Variants in PCDHGB2 observed in about 807,000 individuals in gnomAD.
PCDHGB2 encodes the protein protocadherin gamma subfamily B, 2, also known as protocadherin gamma-B2.
A neutral mutation model predicts 59.3 loss-of-function variants in PCDHGB2; 55 were observed. The observed-to-expected ratio is 0.93, with a 90% CI of 0.75 to 1.16. The LOEUF is 1.16. Ranked by LOEUF, PCDHGB2 falls within the 50% of genes most tolerant of loss-of-function variation. The probability of loss-of-function intolerance (pLI) is 0.00; values close to 1 mark genes in which losing one functional copy is unlikely to be tolerated. For synonymous variants in PCDHGB2, 516 were observed against 512.0 expected, an observed-to-expected ratio of 1.01 and a Z score of -0.11; for missense variants, 1,228 against 1,198.5, an observed-to-expected ratio of 1.02 and a Z score of -0.36.
At position 141,362,309 on chromosome 5, in the gene PCDHGB2, A is replaced by C; in HGVS notation, c.2174A>C (p.Asp725Ala). 2 of 1,613,904 alleles carry C rather than the reference A, an allele frequency of 1.2e-6. No homozygotes were observed. Among genetic ancestry groups the C allele is most frequent in the Non-Finnish European group, 1.7e-6 (2 of 1,179,872 alleles). ...LRLSSRSDAW[D>A]CFQPGLSSKP... ...CTCTCTTCCAGGTCAGATGCTTGGG[A>C]CTGTTTTCAGCCTGGTCTCAGCTCC... The change falls in exon 1 of 4, where the codon GAC (aspartate) becomes GCC (alanine). Residue 725 changes from aspartate to alanine, a missense_variant. By Grantham distance (126) the Asp-to-Ala change is moderately radical. Transcript: ENST00000522605.
chr5:141,419,389 G>C (rs551951411), intron 1 of PCDHGB2: 1 of 1,613,670 alleles, frequency 6.2e-7, no homozygotes, highest in South Asian at 1.1e-5. Context: ...TGAGCGCGCA[G>C]AGCGGGGTGG....
chr5:141,460,582 G>A (rs1246329967), intron 1 of PCDHGB2, among the ~76,000 whole-genome samples: 2 of 152,022 alleles, frequency 1.3e-5, no homozygotes, highest in South Asian at 4.1e-4. Context: ...GTAGGTGTGG[G>A]TTTTTTCTGG....
In PCDHGB2 at chr5:141,408,106, G is replaced by A. The variant is rs1474157141; in HGVS notation, c.2421+45550G>A. The A allele has an allele frequency of 8.3e-6, 12 of 1,444,288 alleles. No individual in the cohort carries two copies. In the East Asian group the frequency reaches 2.7e-4, roughly 33 times the overall value. 89.5% of individuals were successfully genotyped at this position (1,444,288 alleles called of 1,614,324 possible). On this transcript the variant is annotated intron_variant, in intron 1 of 3. Transcript: ENST00000522605. ...AGCGGATTGCCAGCTCCGAGACCCG[G>A]GACTCCTCCTGTCCTGGGCCGAATG...
intron 1 of PCDHGB2, among the ~76,000 whole-genome samples, chr5:141,381,361 G>T (rs1050283609): frequency 2.0e-5 from 3 of 152,198 alleles, no homozygotes; most frequent in Non-Finnish European, 4.4e-5. Context: ...CTAGCAGAGG[G>T]TAGCCTCGGA....
chr5:141,433,878 T>C (rs774226497), intron 1 of PCDHGB2, among the ~76,000 whole-genome samples: 15 of 151,848 alleles, frequency 9.9e-5, no homozygotes, highest in Non-Finnish European at 1.5e-4. Flanking sequence ...GTTTCATCCA[T>C]TGATGACACT....
At position 141,397,489 on chromosome 5, in the gene PCDHGB2, A is replaced by G. The variant is rs568778994; in HGVS notation, c.2421+34933A>G. 3.3e-5 allele frequency among the ~76,000 whole-genome samples: 5 copies of G among 152,372 alleles called. No homozygotes were observed. In the East Asian group the frequency reaches 9.6e-4, roughly 29 times the overall value. ...GGAGTTGGAAATCATAGAAATGAAC[A>G]GAAGAATGATAAAATTGTTTCCATA... On this transcript the variant is annotated intron_variant, in intron 1 of 3. Coordinates refer to ENST00000522605, the MANE Select transcript of PCDHGB2 (RefSeq NM_018923.3).
intron 1 of PCDHGB2, chr5:141,365,549 A>G (rs1763986564): frequency 2.5e-6 from 4 of 1,613,678 alleles, no homozygotes; most frequent in Non-Finnish European, 3.4e-6. Flanking sequence ...CCTATTAACA[A>G]CTAGGGACCT....
intron 1 of PCDHGB2, chr5:141,426,609 G>A (rs1026143678): frequency 5.2e-6 from 2 of 382,862 alleles, no homozygotes; most frequent in African/African-American, 4.2e-5. Flanking sequence ...AGAGATTGTA[G>A]CAGAGAATCC....
At chr5:141,438,957 C>T (rs1292059651) in intron 1 of PCDHGB2, among the ~76,000 whole-genome samples, 1 of 152,026 alleles carries the variant, frequency 6.6e-6, no homozygotes, top group Non-Finnish European at 1.5e-5. Context: ...TGAGCCACCG[C>T]ACCCTGCCAA....
At chr5:141,403,978 C>T (rs965753943) in intron 1 of PCDHGB2, 2 of 1,613,714 alleles carry the variant, frequency 1.2e-6, no homozygotes, top group African/African-American at 2.7e-5. Context: ...ATGTAAATGA[C>T]AATAGACCTG....
intron 1 of PCDHGB2, chr5:141,441,653 G>T: frequency 4.1e-6 from 1 of 243,884 alleles, no homozygotes; most frequent in Non-Finnish European, 8.2e-6. Context: ...GATTCTAGGT[G>T]TCCTTGAGCG....
intron 1 of PCDHGB2, chr5:141,398,707 C>G (rs1257471989): frequency 6.8e-6 from 11 of 1,613,742 alleles, no homozygotes; most frequent in African/African-American, 1.3e-5. Context: ...ATACCCGGAA[C>G]TGGCACTGGA....
chr5:141,489,999 G>C lies in PCDHGB2; in HGVS notation c.2422-4808G>C, dbSNP rs772783990. Reference sequence around the variant, plus strand: ...CAGTTCTACGTGTGGGAATCCCAGAGAATGCACCCATTGGTACTCTGCTGC... The same window carrying C: ...CAGTTCTACGTGTGGGAATCCCAGACAATGCACCCATTGGTACTCTGCTGC... On this transcript the variant is annotated intron_variant, in intron 1 of 3. Coordinates refer to ENST00000522605, the MANE Select transcript of PCDHGB2 (RefSeq NM_018923.3). This position sits in a 1 kb window ranked among gnomAD's most constrained non-coding sequence, Gnocchi z 4.5. 6.2e-7 allele frequency: 1 copy of C among 1,614,242 alleles called. No individual in the cohort carries two copies. Among genetic ancestry groups the C allele is most frequent in the East Asian group, 2.2e-5 (1 of 44,886 alleles).
intron 1 of PCDHGB2, chr5:141,366,644 C>G (rs759831298): frequency 3.7e-6 from 6 of 1,614,268 alleles, no homozygotes; most frequent in Non-Finnish European, 5.1e-6. Flanking sequence ...GATCTTTCCC[C>G]AGCCCAACTA....
Position 141,489,533 on chromosome 5 carries a change from C to G in PCDHGB2, c.2422-5274C>G, listed in dbSNP as rs754586925. The G allele has an allele frequency of 6.2e-7, 1 of 1,614,086 alleles. No individual in the cohort carries two copies. The highest frequency in any genetic ancestry group is 1.7e-5 in the Admixed American group (1 of 60,030). ...ATTGACCGAGAAAGCCTATGTGGAG[C>G]CAGCACCAGCTGCCTGCTGCCAGTG... On this transcript the variant is annotated intron_variant, in intron 1 of 3. Coordinates refer to ENST00000522605, the MANE Select transcript of PCDHGB2 (RefSeq NM_018923.3). The surrounding 1 kb of genome is among the most constrained non-coding windows in gnomAD (Gnocchi z 4.5).
chr5:141,425,834 C>A (rs925446924), intron 1 of PCDHGB2, among the ~76,000 whole-genome samples: 1 of 152,220 alleles, frequency 6.6e-6, no homozygotes, highest in Non-Finnish European at 1.5e-5. Context: ...CTTTTAAATT[C>A]TCTTTGCTGG....
chr5:141,361,102 G>T lies in PCDHGB2; in HGVS notation c.967G>T (p.Asp323Tyr), dbSNP rs1025745459. ...TTACACTCTGAGTATCGAAGCAAAA[G>T]ATCCTGGAGATCTAGCAGCCCACTG... Reference protein sequence around the residue: ...SSYTLSIEAKDPGDLAAHCSI... With the variant: ...SSYTLSIEAKYPGDLAAHCSI... Residue 323 changes from aspartate (D) to tyrosine (Y), a missense_variant, in exon 1 of 4, where the codon GAT becomes TAT. Asp to Tyr is a radical substitution (Grantham distance 160). Coordinates refer to ENST00000522605, the MANE Select transcript of PCDHGB2 (RefSeq NM_018923.3). The T allele has an allele frequency of 3.1e-6, 5 of 1,613,890 alleles. No individual in the cohort carries two copies. In the Admixed American group the frequency reaches 5.0e-5, roughly 16 times the overall value.
At chr5:141,420,056 T>C (rs1241770239) in intron 1 of PCDHGB2, 1 of 1,614,044 alleles carries the variant, frequency 6.2e-7, no homozygotes, top group Admixed American at 1.7e-5. Flanking sequence ...AGTTCTCTGC[T>C]CCAAGTCCGG....
At chr5:141,426,010 C>T (rs2096909211) in intron 1 of PCDHGB2, among the ~76,000 whole-genome samples, 1 of 152,178 alleles carries the variant, frequency 6.6e-6, no homozygotes, top group Non-Finnish European at 1.5e-5. Flanking sequence ...CTTCCGGCTG[C>T]AGTTTTCTAA....
Sources: allele counts gnomAD v4.1 joint callset (sites outside exome capture counted in the v4.1 genomes callset), GRCh38; gene constraint gnomAD v4.1.1; non-coding constraint Gnocchi (gnomAD v3.1); transcripts MANE v1.5; gene names NCBI Gene and HGNC (gene_info 2026-07-23, HGNC 2026-07-21).